Variants in CENPS observed in about 807,000 individuals in gnomAD.
CENPS encodes centromere protein S.
A neutral mutation model predicts 17.9 loss-of-function variants in CENPS; 16 were observed. That is an observed-to-expected ratio of 0.90 (90% CI 0.61 to 1.36). The LOEUF is 1.36. CENPS is among the 40% of genes most tolerant of loss of function. The pLI, the probability that CENPS is intolerant of heterozygous loss-of-function variation, is 0.00. For synonymous variants in CENPS, 49 were observed against 55.8 expected (o/e 0.88, Z 0.54); for missense variants, 160 against 158.6 (o/e 1.01, Z -0.05).
intron 3 of CENPS, among the ~76,000 whole-genome samples, chr1:10,435,539 G>A (rs1453535843): frequency 6.6e-6 from 1 of 151,710 alleles, no homozygotes; most frequent in Non-Finnish European, 1.5e-5. Context: ...AAAGGGATAA[G>A]GTAGTAGGAA....
Position 10,430,455 on chromosome 1 carries a change from C to A in CENPS, c.-63C>A. ...CTCGCGCCGCGGCGGGAAAATCCGA[C>A]CTGGCCGCGCACCACCGCCCCTTCT... is the stretch of plus-strand genomic sequence containing the variant. On this transcript the variant is annotated 5_prime_UTR_variant, in exon 1 of 5. Coordinates refer to ENST00000309048, the MANE Select transcript of CENPS (RefSeq NM_199294.3). The A allele has an allele frequency of 6.6e-7, 1 of 1,523,456 alleles. No homozygotes were observed. Among genetic ancestry groups the A allele is most frequent in the Non-Finnish European group, 8.8e-7 (1 of 1,136,382 alleles). 94.4% of individuals were successfully genotyped at this position (1,523,456 alleles called of 1,614,324 possible).
At chr1:10,435,668 GAA>G (rs139414763) in intron 3 of CENPS, among the ~76,000 whole-genome samples, 1 of 142,030 alleles carries the variant, frequency 7.0e-6, no homozygotes, top group African/African-American at 2.6e-5. Context: ...TTAGCTGTGG[GAA>G]AAAAAAATGA....
chr1:10,435,861 AC>A (rs1407415129), intron 3 of CENPS, among the ~76,000 whole-genome samples: 1 of 151,904 alleles, frequency 6.6e-6, no homozygotes, highest in African/African-American at 2.4e-5. Context: ...GGTGTGAGCC[AC>A]CATGCCCAGC....
intron 1 of CENPS, 132 bp downstream of exon 1, chr1:10,430,700 CGTTGGCTTA>C: frequency 7.2e-7 from 1 of 1,383,860 alleles, no homozygotes; most frequent in East Asian, 3.0e-5. Context: ...GCTGCGCATG[CGTTGGCTTA>C]ACTGCCGCGG....
chr1:10,431,137 T>C lies in CENPS; in HGVS notation c.51+569T>C, dbSNP rs1184187660. On this transcript the variant is annotated intron_variant, in intron 1 of 4. Coordinates refer to ENST00000309048, the MANE Select transcript of CENPS (RefSeq NM_199294.3). ...CTCTGCAAAATCGTCATAAGAATAA[T>C]CACTTGTCAGGGTAGCTGCGGGCAT... 5.6e-6 allele frequency: 8 copies of C among 1,430,768 alleles called. No individual in the cohort carries two copies. The Admixed American group carries it at 1.1e-4, about 20-fold the overall frequency. The allele number at this position is 1,430,768 out of a possible 1,614,324, so 88.6% of individuals were successfully genotyped here.
chr1:10,438,949 G>A (rs950101341), intron 3 of CENPS, among the ~76,000 whole-genome samples: 6 of 152,180 alleles, frequency 3.9e-5, no homozygotes, highest in African/African-American at 9.6e-5. Flanking sequence ...CAGAACGTCT[G>A]TGGACTGACC....
chr1:10,442,516 T>G lies in CENPS; in HGVS notation c.*111T>G. 1 of 1,358,996 alleles carries G rather than the reference T, an allele frequency of 7.4e-7. No individual in the cohort carries two copies. The highest frequency in any genetic ancestry group is 9.5e-7 in the Non-Finnish European group (1 of 1,054,610). The allele number at this position is 1,358,996 out of a possible 1,614,324, so 84.2% of individuals were successfully genotyped here. On this transcript the variant is annotated 3_prime_UTR_variant, in exon 5 of 5. Transcript: ENST00000309048. ...TAAATAGAGATTTAAAAAAATAAAATAAAAAGGCTGGGCTAGGGTGCTTTT... is the reference window on the plus strand; with the variant it reads ...TAAATAGAGATTTAAAAAAATAAAAGAAAAAGGCTGGGCTAGGGTGCTTTT...
intron 3 of CENPS, among the ~76,000 whole-genome samples, chr1:10,438,338 T>G (rs563384064): frequency 6.6e-6 from 1 of 152,138 alleles, no homozygotes; most frequent in African/African-American, 2.4e-5. Flanking sequence ...AGAGACAGGG[T>G]TTCACTGTGT....
chr1:10,442,135 C>A, intron 4 of CENPS, 130 bp from the exon 5 acceptor site: 2 of 1,206,366 alleles, frequency 1.7e-6, no homozygotes, highest in Non-Finnish European at 2.2e-6. Flanking sequence ...AAATGTAACC[C>A]AGGCTTTGGC....
At chr1:10,435,637 A>G (rs1640113210) in intron 3 of CENPS, among the ~76,000 whole-genome samples, 1 of 151,354 alleles carries the variant, frequency 6.6e-6, no homozygotes, top group Non-Finnish European at 1.5e-5. Flanking sequence ...GAAAGATATT[A>G]ATACCTTTAC....
intron 3 of CENPS, among the ~76,000 whole-genome samples, chr1:10,435,944 C>T (rs527660327): frequency 8.0e-5 from 12 of 150,648 alleles, no homozygotes; most frequent in East Asian, 3.9e-4. Flanking sequence ...ATTAGGCTTT[C>T]GGATATTCTG....
intron 3 of CENPS, among the ~76,000 whole-genome samples, chr1:10,438,125 A>G (rs760688098): frequency 5.3e-5 from 8 of 151,846 alleles, no homozygotes; most frequent in African/African-American, 9.7e-5. Context: ...GCAACTGCCA[A>G]TCTGAATTTT....
At chr1:10,433,746 G>A in intron 1 of CENPS, 96 bp from the exon 2 acceptor site, 9 of 1,575,788 alleles carry the variant, frequency 5.7e-6, no homozygotes, top group Non-Finnish European at 7.8e-6. Context: ...AGAGGGATTG[G>A]GCTGAGCAGA....
At chr1:10,437,633 T>A (rs1359158116) in intron 3 of CENPS, among the ~76,000 whole-genome samples, 3 of 151,664 alleles carry the variant, frequency 2.0e-5, no homozygotes, top group Non-Finnish European at 2.9e-5. Flanking sequence ...ATTTTTGTGT[T>A]TTTAGTAAAG....
Position 10,430,496 on chromosome 1 carries a change from T to G in CENPS, c.-22T>G, listed in dbSNP as rs1482771475. 1.3e-6 allele frequency: 2 copies of G among 1,535,738 alleles called. No homozygotes were observed. Among genetic ancestry groups the G allele is most frequent in the East Asian group, 2.6e-5 (1 of 38,874 alleles). On this transcript the variant is annotated 5_prime_UTR_variant, in exon 1 of 5. Coordinates refer to ENST00000309048, the MANE Select transcript of CENPS (RefSeq NM_199294.3). ...CGCCCCTTCTCGGCCCTCCTGCGTT[T>G]GCCCAGGGTCGGCCCGCAGTGATGG...
intron 3 of CENPS, among the ~76,000 whole-genome samples, chr1:10,436,320 G>GT (rs1300751035): frequency 2.0e-5 from 3 of 151,626 alleles, no homozygotes; most frequent in African/African-American, 7.3e-5. Context: ...GGGGAAAGGG[G>GT]TATGTGCGTG....
chr1:10,442,636 A>T lies in CENPS; in HGVS notation c.*231A>T, dbSNP rs1640464586. 1.7e-6 allele frequency: 1 copy of T among 583,952 alleles called. No individual in the cohort carries two copies. Among genetic ancestry groups the T allele is most frequent in the African/African-American group, 1.9e-5 (1 of 51,690 alleles). The allele number at this position is 583,952 out of a possible 1,614,324, so 36.2% of individuals were successfully genotyped here. A position where few individuals can be genotyped will look rare whatever the true frequency, so the allele number is the denominator to read the frequency against. On this transcript the variant is annotated 3_prime_UTR_variant, in exon 5 of 5. Transcript: ENST00000309048. ...ACTCCCAGGTCTCACTCCAGAACAT[A>T]AAAATGGTGTGTGATCAAATGGTAT...
Position 10,442,309 on chromosome 1 carries a change from C to T in CENPS, c.321C>T (p.Asn107=), listed in dbSNP as rs1341212304. Residue 107 remains asparagine (N), a synonymous_variant, in exon 5 of 5, where the codon AAC becomes AAT. Transcript: ENST00000309048. Reference sequence around the variant, plus strand: ...AAAGTGAAGAGATTGCTCAGATTAACCTAGAACGAAAAGCACAGAAGAAAA... The same window carrying T: ...AAAGTGAAGAGATTGCTCAGATTAATCTAGAACGAAAAGCACAGAAGAAAA... The part of the protein sequence containing the change: ...TDKSEEIAQI[N]LERKAQKKKK... The T allele has an allele frequency of 1.9e-6, 3 of 1,601,380 alleles. No individual in the cohort carries two copies. The highest frequency in any genetic ancestry group is 2.5e-6 in the Non-Finnish European group (3 of 1,176,748).
At chr1:10,437,383 ATTCTTAT>A (rs1338177683) in intron 3 of CENPS, among the ~76,000 whole-genome samples, 2 of 138,224 alleles carry the variant, frequency 1.4e-5, no homozygotes, top group South Asian at 4.9e-4. Context: ...ACACATTTAG[ATTCTTAT>A]TTCTTATTTC....
Sources: gnomAD v4.1 joint callset for allele counts (sites outside exome capture counted in the v4.1 genomes callset) on GRCh38, gnomAD v4.1.1 for gene constraint, MANE v1.5 for transcripts, NCBI Gene and HGNC (gene_info 2026-07-23, HGNC 2026-07-21) for gene names.